Variants in MAP2K4 observed in about 807,000 individuals in gnomAD.
MAP2K4 encodes mitogen-activated protein kinase kinase 4.
In MAP2K4, 4 loss-of-function variants were observed where a neutral mutation model predicts 48.5. That is an observed-to-expected ratio of 0.08 (90% confidence interval 0.04 to 0.19). The LOEUF is 0.19. MAP2K4 is among the 10% of genes least tolerant of loss of function. The probability of loss-of-function intolerance (pLI) is 1.00; values close to 1 mark genes in which losing one functional copy is unlikely to be tolerated. For missense variants in MAP2K4, 258 were observed against 493.3 expected (o/e 0.52, Z 4.52); for synonymous variants, 166 against 173.1 (o/e 0.96, Z 0.32).
intron 2 of MAP2K4, chr17:12,069,998 G>A (rs1384735484): frequency 1.3e-5 from 2 of 148,910 alleles, no homozygotes; most frequent in Non-Finnish European, 2.7e-5. Context: ...TTTAGTATAT[G>A]CTGGCTTGAT....
intron 2 of MAP2K4, among the ~76,000 whole-genome samples, chr17:12,079,516 C>G (rs1178832757): frequency 6.6e-6 from 1 of 152,142 alleles, no homozygotes; most frequent in Non-Finnish European, 1.5e-5. Context: ...TATGCCTACA[C>G]AAAAATACGA....
At chr17:12,132,668 G>A (rs1374640120) in intron 9 of MAP2K4, among the ~76,000 whole-genome samples, 1 of 152,068 alleles carries the variant, frequency 6.6e-6, no homozygotes, top group Non-Finnish European at 1.5e-5. Flanking sequence ...CGACTGAGGT[G>A]TCTGAGCGCT....
In MAP2K4 at chr17:12,031,457, T is replaced by C. The variant is rs1359338246; in HGVS notation, c.115+10456T>C. ...CAAAACACAAGCGTAGATAGACCAC[T>C]AACAAAACCAGATATCCATCCACTC... On this transcript the variant is annotated intron_variant, in intron 1 of 10. Coordinates refer to ENST00000353533, the MANE Select transcript of MAP2K4 (RefSeq NM_003010.4). 1.3e-5 allele frequency among the ~76,000 whole-genome samples: 2 copies of C among 152,204 alleles called. 1 individual carries two copies. Among genetic ancestry groups the C allele is most frequent in the African/African-American group, 4.8e-5 (2 of 41,452 alleles).
chr17:12,113,947 T>G (rs1972394534), intron 7 of MAP2K4, among the ~76,000 whole-genome samples: 1 of 152,182 alleles, frequency 6.6e-6, no homozygotes. Flanking sequence ...TGGATTTTGA[T>G]CTGTATTTGA....
chr17:12,054,475 A>G (rs1052061171), intron 1 of MAP2K4, among the ~76,000 whole-genome samples: 1 of 152,148 alleles, frequency 6.6e-6, no homozygotes, highest in Non-Finnish European at 1.5e-5. Flanking sequence ...TCTGTTGTTT[A>G]TATTCATTAA....
chr17:12,039,493 T>C (rs1969708618), intron 1 of MAP2K4, among the ~76,000 whole-genome samples: 1 of 152,348 alleles, frequency 6.6e-6, no homozygotes. Context: ...GCCAATCTTA[T>C]TCTTCTTCCC....
intron 1 of MAP2K4, among the ~76,000 whole-genome samples, chr17:12,054,023 T>C (rs1436986130): frequency 1.3e-5 from 2 of 152,194 alleles, no homozygotes; most frequent in Non-Finnish European, 2.9e-5. Context: ...CAAGGTATCC[T>C]TTTAAGTCCT....
rs549888724 is a variant in MAP2K4 at position 12,114,356 on chromosome 17, T to C, written c.813+996T>C. On this transcript the variant is annotated intron_variant, in intron 7 of 10. Transcript: ENST00000353533. ...TTTGGTTTTGTTATATCTTCCCATA[T>C]CACTTTTTCTTCAGATGAACATGTA... Among the ~76,000 whole-genome samples the C allele has an allele frequency of 2.4e-4, 37 of 151,888 alleles. No individual in the cohort carries two copies. In the South Asian group the frequency reaches 7.7e-3, roughly 32 times the overall value.
At chr17:12,083,790 A>G (rs2151550900) in intron 3 of MAP2K4, among the ~76,000 whole-genome samples, 1 of 152,318 alleles carries the variant, frequency 6.6e-6, no homozygotes, top group East Asian at 1.9e-4. Flanking sequence ...ATTTAGGTAC[A>G]TTGACTGGAT....
At chr17:12,092,210 A>G (rs1041017441) in intron 3 of MAP2K4, among the ~76,000 whole-genome samples, 3 of 152,192 alleles carry the variant, frequency 2.0e-5, no homozygotes, top group East Asian at 1.9e-4. Context: ...TTAAATTTAT[A>G]TAAATAAATG....
intron 1 of MAP2K4, among the ~76,000 whole-genome samples, chr17:12,040,357 T>C (rs1969739292): frequency 6.6e-6 from 1 of 152,208 alleles, no homozygotes; most frequent in African/African-American, 2.4e-5. Flanking sequence ...ATGCCAGTAC[T>C]GAAGGATATG....
chr17:12,094,272 A>G (rs1971657861), intron 3 of MAP2K4, among the ~76,000 whole-genome samples: 2 of 152,238 alleles, frequency 1.3e-5, no homozygotes, highest in Admixed American at 1.3e-4. Flanking sequence ...TAGCAAAATT[A>G]AATTTGTTTG....
chr17:12,036,136 TAA>T (rs1022650823), intron 1 of MAP2K4, among the ~76,000 whole-genome samples: 3 of 152,222 alleles, frequency 2.0e-5, no homozygotes, highest in African/African-American at 7.2e-5. Flanking sequence ...TTTCTAAATA[TAA>T]GTTTATTTTA....
chr17:12,105,638 G>T (rs1163047193), intron 4 of MAP2K4, among the ~76,000 whole-genome samples: 1 of 151,906 alleles, frequency 6.6e-6, no homozygotes, highest in Non-Finnish European at 1.5e-5. Flanking sequence ...TCATGCTGCT[G>T]TCACTACCTT....
chr17:12,113,142 C>T (rs2151577527), intron 6 of MAP2K4, 91 bp from the exon 7 acceptor site: 1 of 1,214,568 alleles, frequency 8.2e-7, no homozygotes, highest in Non-Finnish European at 1.2e-6. Flanking sequence ...CTTATGTTGT[C>T]TAAGGTTTTT....
chr17:12,105,597 G>C (rs1597472429), intron 4 of MAP2K4, among the ~76,000 whole-genome samples: 1 of 151,922 alleles, frequency 6.6e-6, no homozygotes, highest in Middle Eastern at 3.4e-3. Context: ...TCAGACCTGT[G>C]GTCATCCTGT....
chr17:12,058,412 C>T lies in MAP2K4; in HGVS notation c.218+3421C>T, dbSNP rs573718461. On this transcript the variant is annotated intron_variant, in intron 2 of 10. Coordinates refer to ENST00000353533, the MANE Select transcript of MAP2K4 (RefSeq NM_003010.4). ...GTTTAATTAACTCTGGTTTCTAGGCCTTCATTTCTTCTGACCATGAATTCT... is the reference window on the plus strand; with the variant it reads ...GTTTAATTAACTCTGGTTTCTAGGCTTTCATTTCTTCTGACCATGAATTCT... Among the ~76,000 whole-genome samples the T allele has an allele frequency of 3.6e-4, 54 of 152,088 alleles. No homozygotes were observed. In the South Asian group the frequency reaches 5.2e-3, roughly 15 times the overall value.
At chr17:12,110,949 A>C (rs562161073) in intron 6 of MAP2K4, 1 of 153,550 alleles carries the variant, frequency 6.5e-6, no homozygotes, top group African/African-American at 2.4e-5. Context: ...TACATATTCA[A>C]ATGAAGCATT....
intron 7 of MAP2K4, among the ~76,000 whole-genome samples, chr17:12,114,416 GTA>G (rs1491192313): frequency 7.2e-6 from 1 of 138,604 alleles, no homozygotes; most frequent in South Asian, 2.4e-4. Context: ...GTGTGTGTGT[GTA>G]GACACCTAAC....
Sources: allele counts gnomAD v4.1 joint callset (sites outside exome capture counted in the v4.1 genomes callset), GRCh38; gene constraint gnomAD v4.1.1; transcripts MANE v1.5; gene names NCBI Gene and HGNC (gene_info 2026-07-23, HGNC 2026-07-21).